The following PTER variants were observed in gnomAD, a reference collection of about 807,000 sequenced individuals.
The protein encoded by PTER is N-acetyltaurine hydrolase.
Under a neutral mutation model 29.6 loss-of-function variants are expected in PTER, and 38 were observed. The observed-to-expected ratio is 1.28, with a 90% CI of 0.99 to 1.68. The LOEUF (loss-of-function observed/expected upper bound fraction) is 1.68, where lower values mean the gene tolerates loss of function less well. Ranked by LOEUF, PTER falls within the 40% of genes most tolerant of loss-of-function variation. PTER has a pLI of 0.00. For missense variants in PTER, 482 were observed against 427.8 expected, an observed-to-expected ratio of 1.13 and a Z score of -1.12; for synonymous variants, 172 against 154.5, an observed-to-expected ratio of 1.11 and a Z score of -0.84.
At chr10:16,483,646 A>C (rs1283514009) in intron 1 of PTER, among the ~76,000 whole-genome samples, 3 of 152,080 alleles carry the variant, frequency 2.0e-5, no homozygotes, top group East Asian at 1.9e-4. Flanking sequence ...TCAGGAGTTC[A>C]AGACCAGCCT....
intron 4 of PTER, among the ~76,000 whole-genome samples, chr10:16,505,970 A>G (rs1326647232): frequency 6.6e-6 from 1 of 151,926 alleles, no homozygotes; most frequent in Non-Finnish European, 1.5e-5. Flanking sequence ...GGACAGAGAC[A>G]TTTAAGGAAT....
intron 3 of PTER, among the ~76,000 whole-genome samples, chr10:16,496,598 A>G (rs568626390): frequency 6.6e-6 from 1 of 152,296 alleles, no homozygotes; most frequent in Admixed American, 6.5e-5. Context: ...CCACTGTTTG[A>G]TATCTCCTTC....
intron 1 of PTER, among the ~76,000 whole-genome samples, chr10:16,449,968 C>G (rs1280588613): frequency 6.6e-6 from 1 of 152,138 alleles, no homozygotes; most frequent in Non-Finnish European, 1.5e-5. Flanking sequence ...TTTCTAACAC[C>G]CTGAGTTGCA....
intron 1 of PTER, among the ~76,000 whole-genome samples, chr10:16,480,888 A>G (rs1331514109): frequency 6.6e-6 from 1 of 152,256 alleles, no homozygotes; most frequent in East Asian, 1.9e-4. Flanking sequence ...GTTTTAGAAT[A>G]CACATATTTT....
At chr10:16,476,481 A>G (rs1481170369) in intron 1 of PTER, among the ~76,000 whole-genome samples, 1 of 152,194 alleles carries the variant, frequency 6.6e-6, no homozygotes, top group Non-Finnish European at 1.5e-5. Flanking sequence ...TTTTCAAGTG[A>G]GGAAACTAAG....
Position 16,505,168 on chromosome 10 carries a change from T to C in PTER, c.839+8T>C. ...TAACAAAAGAATTAGAAGGTAAATA[T>C]GGTAAAGCCTCTCATAGCATTCCCT... On this transcript the variant is annotated splice_region_variant and intron_variant, in intron 4 of 4. Transcript: ENST00000535784. 6.2e-7 allele frequency: 1 copy of C among 1,613,590 alleles called. No homozygotes were observed. Among genetic ancestry groups the C allele is most frequent in the Non-Finnish European group, 8.5e-7 (1 of 1,179,708 alleles).
intron 1 of PTER, among the ~76,000 whole-genome samples, chr10:16,475,595 TGGTACAGGGTAG>T (rs1835231089): frequency 1.3e-5 from 2 of 152,192 alleles, no homozygotes; most frequent in South Asian, 4.1e-4. Context: ...CGACCAGCTC[TGGTACAGGGTAG>T]AAGGGGGCTA....
intron 1 of PTER, among the ~76,000 whole-genome samples, chr10:16,480,294 A>T (rs1432313141): frequency 6.6e-6 from 1 of 151,198 alleles, no homozygotes; most frequent in Non-Finnish European, 1.5e-5. Flanking sequence ...GGTTCAAGCA[A>T]TTCTCCTGCC....
At chr10:16,460,856 A>G (rs1253065208) in intron 1 of PTER, among the ~76,000 whole-genome samples, 1 of 152,098 alleles carries the variant, frequency 6.6e-6, no homozygotes, top group East Asian at 1.9e-4. Context: ...AGCGGGGATT[A>G]CAGGCACCCG....
chr10:16,518,029 T>A (rs901418039), downstream of PTER, among the ~76,000 whole-genome samples: 1 of 152,208 alleles, frequency 6.6e-6, no homozygotes, highest in African/African-American at 2.4e-5. Context: ...CTTCTCAAAA[T>A]CCACTTAATC....
chr10:16,450,233 C>T (rs543257168), intron 1 of PTER, among the ~76,000 whole-genome samples: 5 of 152,174 alleles, frequency 3.3e-5, no homozygotes, highest in Admixed American at 2.0e-4. Context: ...TAGAAGCAAA[C>T]GGGTATTGGG....
chr10:16,516,919 T>C (rs1836960885), downstream of PTER, among the ~76,000 whole-genome samples: 1 of 152,194 alleles, frequency 6.6e-6, no homozygotes, highest in African/African-American at 2.4e-5. Context: ...CGTAAGACTG[T>C]CCCAATTAAA....
intron 1 of PTER, among the ~76,000 whole-genome samples, chr10:16,458,016 A>G (rs1222410391): frequency 3.3e-5 from 5 of 152,228 alleles, no homozygotes; most frequent in African/African-American, 1.2e-4. Context: ...GACAGGCACC[A>G]TGTCTGCTTT....
chr10:16,445,715 G>A (rs973445496), intron 1 of PTER, among the ~76,000 whole-genome samples: 4 of 152,142 alleles, frequency 2.6e-5, no homozygotes, highest in Non-Finnish European at 4.4e-5. Context: ...TGCACCATGC[G>A]TGGCTAGTGC....
intron 3 of PTER, among the ~76,000 whole-genome samples, chr10:16,491,011 T>G (rs1256523414): frequency 6.6e-6 from 1 of 151,776 alleles, no homozygotes; most frequent in East Asian, 1.9e-4. Context: ...ACATATGTAT[T>G]TTTTTTCTGT....
intron 1 of PTER, among the ~76,000 whole-genome samples, chr10:16,441,371 A>G (rs1485131205): frequency 6.6e-6 from 1 of 152,166 alleles, no homozygotes; most frequent in East Asian, 1.9e-4. Context: ...CGTACTTACC[A>G]TTGACTAATA....
chr10:16,463,013 G>A (rs1367006062), intron 1 of PTER, among the ~76,000 whole-genome samples: 1 of 148,386 alleles, frequency 6.7e-6, no homozygotes, highest in Non-Finnish European at 1.5e-5. Context: ...CTAACATGGT[G>A]AAACCCCGTC....
intron 1 of PTER, among the ~76,000 whole-genome samples, chr10:16,454,716 CAAGT>C (rs1311695310): frequency 6.6e-6 from 1 of 151,812 alleles, no homozygotes; most frequent in Admixed American, 6.6e-5. Context: ...ATTTTTATGG[CAAGT>C]AAGTATATGT....
rs71374689 is a variant in PTER, at chr10:16,440,067, A to ATTTTT, written c.-49+3032_-49+3036dup. Among the ~76,000 whole-genome samples the ATTTTT allele has an allele frequency of 4.0e-3, 544 of 135,214 alleles. 7 individuals carry two copies. The highest frequency in any genetic ancestry group is 5.6e-3 in the Non-Finnish European group (359 of 64,480). The allele number at this position is 135,214 out of a possible 152,430, so 88.7% of individuals were successfully genotyped here. A position where few individuals can be genotyped will look rare whatever the true frequency, so the allele number is the denominator to read the frequency against. ...CAGTGGTCCAGGTTTTCCTAACAAG[A>ATTTTT]TTTTTTTTTTTTTTTTGTGGCAGGG... On this transcript the variant is annotated intron_variant, in intron 1 of 4. Transcript: ENST00000535784.
Sources: gnomAD v4.1 joint callset for allele counts (sites outside exome capture counted in the v4.1 genomes callset) on GRCh38, gnomAD v4.1.1 for gene constraint, MANE v1.5 for transcripts, NCBI Gene and HGNC (gene_info 2026-07-23, HGNC 2026-07-21) for gene names.